Variants in ERC2 observed in about 807,000 individuals in gnomAD.
The protein encoded by ERC2 is ELKS/RAB6-interacting/CAST family member 2, also known as ERC protein 2.
A neutral mutation model predicts 114.8 loss-of-function variants in ERC2; 42 were observed. The ratio of observed to expected loss-of-function variants is 0.37; its 90% CI spans 0.29 to 0.47. ERC2 has a LOEUF of 0.47. ERC2 is among the 20% of genes least tolerant of loss of function. The pLI, the probability that ERC2 is intolerant of heterozygous loss-of-function variation, is 0.99. For missense variants in ERC2, 939 were observed against 1,150.7 expected, an observed-to-expected ratio of 0.82 and a Z score of 2.66; for synonymous variants, 454 against 425.5, an observed-to-expected ratio of 1.07 and a Z score of -0.82.
chr3:55,683,362 C>T (rs1171259691), intron 17 of ERC2, among the ~76,000 whole-genome samples: 1 of 152,104 alleles, frequency 6.6e-6, no homozygotes. Context: ...TATTCCTTGC[C>T]AAACATTTGA....
intron 15 of ERC2, among the ~76,000 whole-genome samples, chr3:55,712,396 T>C (rs1285735327): frequency 6.6e-6 from 1 of 152,098 alleles, no homozygotes; most frequent in East Asian, 1.9e-4. Flanking sequence ...GGGAAAGTGG[T>C]AGGTAGTTGA....
intron 15 of ERC2, among the ~76,000 whole-genome samples, chr3:55,705,003 A>G (rs1346251691): frequency 6.6e-6 from 1 of 152,220 alleles, no homozygotes; most frequent in Non-Finnish European, 1.5e-5. Flanking sequence ...AGTGAGTAGA[A>G]GAACAGAACT....
intron 17 of ERC2, among the ~76,000 whole-genome samples, chr3:55,640,200 T>C (rs1468379997): frequency 6.6e-6 from 1 of 152,248 alleles, no homozygotes; most frequent in Non-Finnish European, 1.5e-5. Context: ...TTGGACTTCC[T>C]GCTTCCTTGA....
rs574943810 is a variant in ERC2, at chr3:56,282,876, G to A, written c.1074+13143C>T. On this transcript the variant is annotated intron_variant, in intron 3 of 17. Transcript: ENST00000288221. ...AGATCATTCTCTCTAAGTCCTCTAT[G>A]CAATACACATTTGTATCTGCAGGGC... Among the ~76,000 whole-genome samples, 6 of 152,256 alleles carry A rather than the reference G, an allele frequency of 3.9e-5. No homozygotes were observed. The South Asian group carries it at 1.0e-3, about 26-fold the overall frequency.
chr3:55,804,160 A>C (rs961167080), intron 14 of ERC2, among the ~76,000 whole-genome samples: 1 of 152,226 alleles, frequency 6.6e-6, no homozygotes, highest in Non-Finnish European at 1.5e-5. Context: ...AATTATAAAT[A>C]AATTTCACCA....
chr3:56,440,525 G>A (rs1318676876), intron 1 of ERC2, among the ~76,000 whole-genome samples: 1 of 149,000 alleles, frequency 6.7e-6, no homozygotes, highest in African/African-American at 2.5e-5. Flanking sequence ...TCCAGCCTGG[G>A]CAACAGTGCA....
At chr3:55,661,851 A>G (rs918970015) in intron 17 of ERC2, among the ~76,000 whole-genome samples, 4 of 151,474 alleles carry the variant, frequency 2.6e-5, no homozygotes, top group Non-Finnish European at 4.4e-5. Context: ...AAGTGGGCCC[A>G]CCTCCTTTCC....
At chr3:56,299,193 T>A (rs2055688809) in intron 2 of ERC2, among the ~76,000 whole-genome samples, 1 of 149,888 alleles carries the variant, frequency 6.7e-6, no homozygotes, top group African/African-American at 2.5e-5. Flanking sequence ...AGTGGCGCGA[T>A]CTTGGCTCAC....
intron 14 of ERC2, among the ~76,000 whole-genome samples, chr3:55,740,564 T>C (rs2065913872): frequency 3.9e-5 from 6 of 152,114 alleles, no homozygotes; most frequent in Admixed American, 3.3e-4. Flanking sequence ...CAAAGGGTCA[T>C]TAGTATAAGA....
chr3:56,429,863 A>T (rs2061718787), intron 2 of ERC2, among the ~76,000 whole-genome samples: 1 of 152,186 alleles, frequency 6.6e-6, no homozygotes, highest in African/African-American at 2.4e-5. Flanking sequence ...TGTAACACAG[A>T]GAGGGAGTTC....
At chr3:56,186,547 T>C (rs952903441) in intron 3 of ERC2, among the ~76,000 whole-genome samples, 2 of 152,176 alleles carry the variant, frequency 1.3e-5, no homozygotes, top group Non-Finnish European at 2.9e-5. Flanking sequence ...TGTTTTGTTT[T>C]TGAGACAGAG....
At chr3:55,978,823 G>C (rs4974114) in intron 12 of ERC2, among the ~76,000 whole-genome samples, 1 of 151,968 alleles carries the variant, frequency 6.6e-6, no homozygotes, top group Non-Finnish European at 1.5e-5. Context: ...ATAATGTCTT[G>C]AATAACTTGG....
At chr3:55,966,794 A>G (rs1210155275) in intron 12 of ERC2, among the ~76,000 whole-genome samples, 2 of 152,112 alleles carry the variant, frequency 1.3e-5, no homozygotes, top group Admixed American at 6.6e-5. Flanking sequence ...CAGCTGTAAG[A>G]CTGTTTATCC....
intron 17 of ERC2, among the ~76,000 whole-genome samples, chr3:55,516,905 T>C (rs991052948): frequency 2.6e-5 from 4 of 152,220 alleles, no homozygotes; most frequent in Non-Finnish European, 4.4e-5. Context: ...AGTTGGTTAA[T>C]AGCCCCTCAT....
intron 3 of ERC2, among the ~76,000 whole-genome samples, chr3:56,218,720 CAA>C (rs1411278834): frequency 2.6e-5 from 4 of 152,100 alleles, no homozygotes; most frequent in Non-Finnish European, 4.4e-5. Context: ...ATTACAATAG[CAA>C]AGACTTGGAA....
In ERC2 at chr3:56,324,516, T is replaced by A. The variant is rs111525731; in HGVS notation, c.658-28081A>T. On this transcript the variant is annotated intron_variant, in intron 2 of 17. Transcript: ENST00000288221. Reference sequence around the variant, plus strand: ...TAGCCTACAGTCGGGCAATGCATACTTGCACCATCATAAAGTCAAAAATCA... The same window carrying A: ...TAGCCTACAGTCGGGCAATGCATACATGCACCATCATAAAGTCAAAAATCA... Among the ~76,000 whole-genome samples the A allele has an allele frequency of 5.7e-3, 871 of 152,292 alleles. 13 individuals are homozygous for A. Among genetic ancestry groups the A allele is most frequent in the African/African-American group, 0.02 (841 of 41,556 alleles).
chr3:56,373,123 A>G (rs986876089), intron 2 of ERC2, among the ~76,000 whole-genome samples: 9 of 152,316 alleles, frequency 5.9e-5, no homozygotes, highest in Admixed American at 5.2e-4. Context: ...TTGTCTTCCA[A>G]ATTATTTGAG....
chr3:56,429,748 T>C (rs2061714462), intron 2 of ERC2, among the ~76,000 whole-genome samples: 1 of 152,104 alleles, frequency 6.6e-6, no homozygotes, highest in Non-Finnish European at 1.5e-5. Context: ...GAGGAAGGGG[T>C]GGCATATCCA....
intron 4 of ERC2, among the ~76,000 whole-genome samples, chr3:56,150,850 T>C (rs1321199584): frequency 3.3e-5 from 5 of 152,124 alleles, no homozygotes; most frequent in African/African-American, 7.2e-5. Flanking sequence ...TGTGATGGTA[T>C]TTGGAGATGG....
Sources: gnomAD v4.1 joint callset for allele counts (sites outside exome capture counted in the v4.1 genomes callset) on GRCh38, gnomAD v4.1.1 for gene constraint, MANE v1.5 for transcripts, NCBI Gene and HGNC (gene_info 2026-07-23, HGNC 2026-07-21) for gene names.